Variants in ANK2 observed in about 807,000 individuals in gnomAD.
ANK2 encodes ankyrin 2.
ANK2 carries 83 observed loss-of-function variants against 360.5 expected under a neutral mutation model. The ratio of observed to expected loss-of-function variants is 0.23; its 90% CI spans 0.19 to 0.28. The LOEUF is 0.28. Among genes scored for constraint, ANK2 ranks in the 10% least tolerant of loss-of-function variants. ANK2 has a pLI of 1.00. For synonymous variants in ANK2, 1,740 were observed against 1,759.5 expected, an observed-to-expected ratio of 0.99 and a Z score of 0.28; for missense variants, 4,201 against 4,795.7, an observed-to-expected ratio of 0.88 and a Z score of 3.66.
intron 1 of ANK2, among the ~76,000 whole-genome samples, chr4:112,896,309 TAG>T (rs1431009098): frequency 6.6e-6 from 1 of 152,236 alleles, no homozygotes; most frequent in Non-Finnish European, 1.5e-5. Flanking sequence ...AGGTTCTGTT[TAG>T]AGCATAGTCG....
At chr4:112,963,852 A>G (rs1318536520) in intron 2 of ANK2, among the ~76,000 whole-genome samples, 3 of 152,092 alleles carry the variant, frequency 2.0e-5, no homozygotes, top group Non-Finnish European at 4.4e-5. Flanking sequence ...AATAACACCA[A>G]CATACTAAGA....
the ANK2 span, among the ~76,000 whole-genome samples, chr4:112,799,466 C>T: frequency 1.8e-4 from 27 of 151,924 alleles, no homozygotes; most frequent in Admixed American, 3.3e-4. Context: ...ACTTTACGTC[C>T]TCTCCAACAT....
At chr4:113,178,283 A>G (rs1255459217) in intron 2 of ANK2, among the ~76,000 whole-genome samples, 3 of 151,302 alleles carry the variant, frequency 2.0e-5, no homozygotes, top group Non-Finnish European at 3.0e-5. Context: ...AATAAATAAA[A>G]CAGGCCAGGC....
intron 1 of ANK2, among the ~76,000 whole-genome samples, chr4:113,090,448 G>A (rs1484976771): frequency 2.0e-5 from 3 of 152,062 alleles, no homozygotes; most frequent in Non-Finnish European, 2.9e-5. Flanking sequence ...ACTTTACTTA[G>A]GAAGAGGTTC....
Position 113,049,711 on chromosome 4 carries a change from C to G in ANK2, c.-18C>G, listed in dbSNP as rs201646790. ...CACGGTTTGATGGCAGAGATATTTT[C>G]TTTCCAAACTGTTCAAAATGATGAA... is the stretch of plus-strand genomic sequence containing the variant. On this transcript the variant is annotated 5_prime_UTR_variant, in exon 1 of 46. Transcript: ENST00000357077. The G allele has an allele frequency of 2.0e-4, 307 of 1,542,688 alleles. No individual in the cohort carries two copies. The highest frequency in any genetic ancestry group is 2.4e-4 in the Non-Finnish European group (274 of 1,135,348).
intron 1 of ANK2, among the ~76,000 whole-genome samples, chr4:113,124,936 G>A (rs959943131): frequency 1.3e-5 from 2 of 151,876 alleles, no homozygotes; most frequent in East Asian, 3.9e-4. Flanking sequence ...TGAAGACCAG[G>A]CCAGGCAGCA....
chr4:113,257,482 A>T (rs2050147651), intron 11 of ANK2, among the ~76,000 whole-genome samples: 1 of 152,204 alleles, frequency 6.6e-6, no homozygotes, highest in African/African-American at 2.4e-5. Context: ...ATGTTATAAA[A>T]ATGATATAAA....
intron 1 of ANK2, among the ~76,000 whole-genome samples, chr4:112,819,081 G>A (rs751950345): frequency 6.6e-5 from 10 of 152,168 alleles, no homozygotes; most frequent in African/African-American, 9.7e-5. Flanking sequence ...TCACCTCGAC[G>A]ATGTCTTAGG....
At chr4:113,169,059 G>A (rs987808799) in intron 1 of ANK2, among the ~76,000 whole-genome samples, 3 of 151,868 alleles carry the variant, frequency 2.0e-5, no homozygotes, top group Admixed American at 2.0e-4. Context: ...AAAAAGTCAT[G>A]TGTGTGCATC....
intron 2 of ANK2, among the ~76,000 whole-genome samples, chr4:112,979,397 C>T (rs887853958): frequency 3.9e-5 from 6 of 152,078 alleles, no homozygotes; most frequent in Admixed American, 2.0e-4. Flanking sequence ...CCAGGGACTG[C>T]GGAGCCCCAA....
At chr4:112,924,105 C>T (rs2092120260) in intron 2 of ANK2, among the ~76,000 whole-genome samples, 1 of 152,152 alleles carries the variant, frequency 6.6e-6, no homozygotes, top group Admixed American at 6.5e-5. Context: ...CGCAGTGGCT[C>T]ACGCCTGTAA....
intron 2 of ANK2, among the ~76,000 whole-genome samples, chr4:112,978,539 G>A (rs776754100): frequency 2.4e-4 from 37 of 152,100 alleles, no homozygotes; most frequent in Non-Finnish European, 3.8e-4. Flanking sequence ...TCTGAATTAG[G>A]TTATTCTAGG....
At chr4:113,296,635 G>T (rs759174792) in intron 22 of ANK2, among the ~76,000 whole-genome samples, 1 of 152,178 alleles carries the variant, frequency 6.6e-6, no homozygotes, top group South Asian at 2.1e-4. Flanking sequence ...ATCGTAGTTT[G>T]TTTCCTTAAC....
chr4:113,352,862 G>A (rs988761702), intron 37 of ANK2, among the ~76,000 whole-genome samples, 183 bp from the exon 38 acceptor site: 5 of 147,796 alleles, frequency 3.4e-5, no homozygotes, highest in South Asian at 4.3e-4. Flanking sequence ...TTTTTTTTTC[G>A]TTAGCCTTGC....
chr4:112,786,169 A>C, the ANK2 span, among the ~76,000 whole-genome samples: 3 of 151,724 alleles, frequency 2.0e-5, no homozygotes, highest in Non-Finnish European at 4.4e-5. Flanking sequence ...TAAACTTTTT[A>C]TAATGTTGAC....
intron 1 of ANK2, among the ~76,000 whole-genome samples, chr4:112,845,165 C>T (rs184597104): frequency 6.6e-6 from 1 of 152,186 alleles, no homozygotes; most frequent in Admixed American, 6.5e-5. Context: ...AAAATCTGTA[C>T]TTAAAATATG....
rs185455744 is a variant in ANK2, at chr4:113,318,445, T to C, written c.2797-72T>C. On this transcript the variant is annotated intron_variant, in intron 25 of 45. Transcript: ENST00000357077. ...ATACCACTTTCCAGTGATGACACTT[T>C]TTATATTTTGTTATATTTTACTTTA... 21 of 1,249,064 alleles carry C rather than the reference T, an allele frequency of 1.7e-5. No homozygotes were observed. The African/African-American group carries it at 2.7e-4, about 16-fold the overall frequency. 77.4% of individuals were successfully genotyped at this position (1,249,064 alleles called of 1,614,324 possible).
At chr4:113,032,738 T>C (rs2060682838) in intron 2 of ANK2, among the ~76,000 whole-genome samples, 1 of 152,202 alleles carries the variant, frequency 6.6e-6, no homozygotes, top group Non-Finnish European at 1.5e-5. Context: ...TATTTTTAAA[T>C]ATATTATTCC....
chr4:113,059,718 A>G (rs2072143654), intron 1 of ANK2, among the ~76,000 whole-genome samples: 1 of 152,094 alleles, frequency 6.6e-6, no homozygotes, highest in African/African-American at 2.4e-5. Context: ...ATAATTTTAG[A>G]TTATTCTGAA....
Sources: gnomAD v4.1 joint callset for allele counts (sites outside exome capture counted in the v4.1 genomes callset) on GRCh38, gnomAD v4.1.1 for gene constraint, MANE v1.5 for transcripts, NCBI Gene and HGNC (gene_info 2026-07-23, HGNC 2026-07-21) for gene names.